PTPRD: variants seen among roughly 807,000 people sequenced by gnomAD.
PTPRD encodes the protein protein tyrosine phosphatase receptor type D, also known as receptor-type tyrosine-protein phosphatase delta.
PTPRD carries 34 observed loss-of-function variants against 214.5 expected under a neutral mutation model. The observed-to-expected ratio is 0.16, with a 90% confidence interval of 0.12 to 0.21. The LOEUF (loss-of-function observed/expected upper bound fraction) is 0.21, where lower values mean the gene tolerates loss of function less well. Among genes scored for constraint, PTPRD ranks in the 10% least tolerant of loss-of-function variants. The probability of loss-of-function intolerance (pLI) is 1.00; values close to 1 mark genes in which losing one functional copy is unlikely to be tolerated. For synonymous variants in PTPRD, 1,128 were observed against 845.7 expected (o/e 1.33, Z -5.79); for missense variants, 2,545 against 2,398.7 (o/e 1.06, Z -1.27).
intron 36 of PTPRD, among the ~76,000 whole-genome samples, chr9:8,392,862 G>T (rs143620771): frequency 8.5e-4 from 130 of 152,216 alleles, no homozygotes; most frequent in Middle Eastern, 3.4e-3. Context: ...ACACTGTGCA[G>T]AAAGATGAAG....
intron 5 of PTPRD, among the ~76,000 whole-genome samples, chr9:9,872,144 A>G (rs2065630820): frequency 6.6e-6 from 1 of 152,150 alleles, no homozygotes; most frequent in South Asian, 2.1e-4. Context: ...CAAAGTTGGC[A>G]ATCACCATGT....
At chr9:10,115,585 A>G (rs1322370743) in intron 3 of PTPRD, among the ~76,000 whole-genome samples, 1 of 152,106 alleles carries the variant, frequency 6.6e-6, no homozygotes, top group Non-Finnish European at 1.5e-5. Context: ...GATGTGTTTT[A>G]AGACTTACAT....
intron 8 of PTPRD, among the ~76,000 whole-genome samples, chr9:9,433,704 T>C (rs1277999549): frequency 2.0e-5 from 3 of 152,192 alleles, no homozygotes; most frequent in Admixed American, 6.6e-5. Flanking sequence ...AAAAATCATC[T>C]TCTTGATTAT....
intron 8 of PTPRD, among the ~76,000 whole-genome samples, chr9:9,553,799 T>C (rs967488300): frequency 3.3e-5 from 5 of 152,074 alleles, no homozygotes. Context: ...TGTTTCAAAG[T>C]TCAATAATTA....
intron 11 of PTPRD, among the ~76,000 whole-genome samples, chr9:8,970,416 A>G (rs1336637925): frequency 6.6e-6 from 1 of 151,928 alleles, no homozygotes; most frequent in Non-Finnish European, 1.5e-5. Flanking sequence ...AAAATTCTGC[A>G]AAACCAAAGA....
chr9:9,154,460 GGAGA>G (rs141538549), intron 10 of PTPRD, among the ~76,000 whole-genome samples: 1 of 151,752 alleles, frequency 6.6e-6, no homozygotes. Flanking sequence ...CCCAAAACAG[GGAGA>G]GAGAGAGAGC....
chr9:8,523,531 G>A lies in PTPRD; in HGVS notation c.680-7C>T. The A allele has an allele frequency of 6.2e-7, 1 of 1,613,176 alleles. No individual in the cohort carries two copies. Among genetic ancestry groups the A allele is most frequent in the East Asian group, 2.2e-5 (1 of 44,794 alleles). On this transcript the variant is annotated splice_polypyrimidine_tract_variant and splice_region_variant and intron_variant, in intron 18 of 45. Coordinates refer to ENST00000381196, the MANE Select transcript of PTPRD (RefSeq NM_002839.4). The stretch of plus-strand genomic sequence containing the variant: ...CACCAACCTTCTCGCAGCTCTGAGG[G>A]ATGTAGGGGGTTTGATGCAGAACAC...
At chr9:9,651,370 T>C (rs565251093) in intron 7 of PTPRD, among the ~76,000 whole-genome samples, 1 of 152,286 alleles carries the variant, frequency 6.6e-6, no homozygotes, top group African/African-American at 2.4e-5. Flanking sequence ...CATTAGTTAT[T>C]TTTCCTGAAC....
intron 44 of PTPRD, among the ~76,000 whole-genome samples, chr9:8,329,480 G>C (rs1459736812): frequency 6.6e-6 from 1 of 152,116 alleles, no homozygotes; most frequent in African/African-American, 2.4e-5. Flanking sequence ...ACCCAGTCAG[G>C]ATACATGGGG....
chr9:10,300,814 G>A (rs896859873), intron 3 of PTPRD, among the ~76,000 whole-genome samples: 1 of 152,096 alleles, frequency 6.6e-6, no homozygotes, highest in Non-Finnish European at 1.5e-5. Context: ...GAGCACCTGG[G>A]GGAAGGGGCG....
intron 3 of PTPRD, among the ~76,000 whole-genome samples, chr9:10,139,677 G>C (rs1253644094): frequency 1.3e-5 from 2 of 152,044 alleles, no homozygotes; most frequent in East Asian, 3.9e-4. Context: ...CACAAGGCTA[G>C]GACAAAAACC....
At chr9:10,235,900 G>C (rs747779839) in intron 3 of PTPRD, among the ~76,000 whole-genome samples, 7 of 151,854 alleles carry the variant, frequency 4.6e-5, no homozygotes, top group Non-Finnish European at 1.0e-4. Flanking sequence ...CATAACCTTT[G>C]GGGTGTGAAT....
chr9:10,084,444 TA>T (rs1245410304), intron 3 of PTPRD, among the ~76,000 whole-genome samples: 1 of 151,874 alleles, frequency 6.6e-6, no homozygotes, highest in African/African-American at 2.4e-5. Flanking sequence ...AGGGAAAAAA[TA>T]AAATCCATGA....
intron 34 of PTPRD, among the ~76,000 whole-genome samples, chr9:8,447,213 C>G (rs532874002): frequency 1.3e-5 from 2 of 152,212 alleles, no homozygotes; most frequent in South Asian, 2.1e-4. Context: ...TACAGCTCCT[C>G]TCTTATCTCA....
intron 9 of PTPRD, among the ~76,000 whole-genome samples, chr9:9,258,192 A>C (rs1241107113): frequency 4.6e-5 from 7 of 151,934 alleles, no homozygotes; most frequent in African/African-American, 1.7e-4. Context: ...TGCAAAAATA[A>C]GTGAAAGTGA....
intron 3 of PTPRD, among the ~76,000 whole-genome samples, chr9:10,083,898 C>A (rs1264391142): frequency 6.6e-6 from 1 of 151,870 alleles, no homozygotes; most frequent in East Asian, 1.9e-4. Context: ...GCTATTTGGC[C>A]CAGTTCCTAA....
At chr9:9,446,559 T>G (rs1401954026) in intron 8 of PTPRD, among the ~76,000 whole-genome samples, 1 of 152,142 alleles carries the variant, frequency 6.6e-6, no homozygotes, top group Non-Finnish European at 1.5e-5. Context: ...CACTGTCTCT[T>G]CAATTGATAT....
intron 11 of PTPRD, among the ~76,000 whole-genome samples, chr9:8,878,524 CTTTTTT>C (rs554487017): frequency 6.8e-6 from 1 of 147,976 alleles, no homozygotes; most frequent in Non-Finnish European, 1.5e-5. Flanking sequence ...TCTTTCTTTT[CTTTTTT>C]TTTTGTTTTC....
At chr9:10,391,887 C>T (rs2098073874) in intron 2 of PTPRD, among the ~76,000 whole-genome samples, 1 of 151,768 alleles carries the variant, frequency 6.6e-6, no homozygotes. Flanking sequence ...GGTTTCTGCA[C>T]TTGCTATATC....
Sources: gnomAD v4.1 joint callset for allele counts (sites outside exome capture counted in the v4.1 genomes callset) on GRCh38, gnomAD v4.1.1 for gene constraint, MANE v1.5 for transcripts, NCBI Gene and HGNC (gene_info 2026-07-23, HGNC 2026-07-21) for gene names.